The following SINHCAF variants were observed in gnomAD, a reference collection of about 807,000 sequenced individuals.
SINHCAF encodes SIN3-HDAC complex-associated factor.
SINHCAF carries 3 observed loss-of-function variants against 25.8 expected under a neutral mutation model. The observed-to-expected ratio is 0.12, with a 90% confidence interval of 0.05 to 0.30. The LOEUF is 0.30. SINHCAF is among the 10% of genes least tolerant of loss of function. SINHCAF has a pLI of 1.00. For missense variants in SINHCAF, 121 were observed against 262.3 expected, an observed-to-expected ratio of 0.46 and a Z score of 3.72; for synonymous variants, 70 against 85.5, an observed-to-expected ratio of 0.82 and a Z score of 1.00.
chr12:31,305,082 G>C (rs1212961158), intron 1 of SINHCAF: 2 of 152,234 alleles, frequency 1.3e-5, no homozygotes, highest in East Asian at 1.9e-4. Flanking sequence ...ATCAGAGACA[G>C]GGATCTTTGG....
chr12:31,306,122 C>G (rs1939017140), intron 1 of SINHCAF, among the ~76,000 whole-genome samples: 1 of 152,298 alleles, frequency 6.6e-6, no homozygotes, highest in East Asian at 1.9e-4. Flanking sequence ...CTACCATTGC[C>G]CATCAGCAGG....
chr12:31,301,028 C>T (rs1297755304), intron 1 of SINHCAF, among the ~76,000 whole-genome samples: 1 of 152,166 alleles, frequency 6.6e-6, no homozygotes, highest in African/African-American at 2.4e-5. Flanking sequence ...ATAAACAAGT[C>T]CTCAAAGCTA....
intron 5 of SINHCAF, among the ~76,000 whole-genome samples, chr12:31,287,006 T>C (rs1481312755): frequency 2.6e-5 from 4 of 152,178 alleles, no homozygotes; most frequent in Non-Finnish European, 5.9e-5. Flanking sequence ...AAACCTAACC[T>C]CCTAGGCTCA....
chr12:31,301,952 T>TA (rs1187898465), intron 1 of SINHCAF, among the ~76,000 whole-genome samples: 1 of 152,188 alleles, frequency 6.6e-6, no homozygotes, highest in Non-Finnish European at 1.5e-5. Flanking sequence ...TGTGCAATAT[T>TA]AAATGATTCC....
chr12:31,315,422 A>T (rs1244360217), intron 1 of SINHCAF, among the ~76,000 whole-genome samples: 1 of 152,222 alleles, frequency 6.6e-6, no homozygotes, highest in Non-Finnish European at 1.5e-5. Flanking sequence ...TTTAGTTTGT[A>T]GGCAGTGGTT....
intron 1 of SINHCAF, among the ~76,000 whole-genome samples, chr12:31,302,133 C>A (rs917439006): frequency 8.6e-5 from 13 of 152,040 alleles, no homozygotes; most frequent in African/African-American, 3.1e-4. Context: ...AGAACAGACC[C>A]CATACAATCT....
At chr12:31,285,454 C>CACACACAT (rs1555110962) in intron 5 of SINHCAF, among the ~76,000 whole-genome samples, 2 of 151,152 alleles carry the variant, frequency 1.3e-5, no homozygotes, top group Non-Finnish European at 3.0e-5. Flanking sequence ...CACACACACA[C>CACACACAT]ATAAATAAAT....
At chr12:31,298,478 T>A in intron 1 of SINHCAF, 2 of 394,900 alleles carry the variant, frequency 5.1e-6, no homozygotes, top group South Asian at 6.1e-5. Flanking sequence ...AAACATGCAA[T>A]CTAAAAATGG....
chr12:31,305,693 C>T (rs1057050577), intron 1 of SINHCAF, among the ~76,000 whole-genome samples: 1 of 148,548 alleles, frequency 6.7e-6, no homozygotes, highest in African/African-American at 2.5e-5. Flanking sequence ...GAAATATAGG[C>T]CAATTTTTTT....
rs1368016392 is a variant in SINHCAF, at chr12:31,281,667, T to C, written c.*1045A>G. The C allele has an allele frequency of 6.6e-6, 1 of 152,230 alleles. No individual in the cohort carries two copies. The highest frequency in any genetic ancestry group is 1.5e-5 in the Non-Finnish European group (1 of 68,044). The allele number at this position is 152,230 out of a possible 1,614,324, so 9.4% of individuals were successfully genotyped here. On this transcript the variant is annotated 3_prime_UTR_variant, in exon 6 of 6. Transcript: ENST00000337682. ...ATTTTATTTTTCAGATAGCTTAACA[T>C]TTTTAATCGAGTGTGTTCTCTACCA...
intron 1 of SINHCAF, among the ~76,000 whole-genome samples, chr12:31,322,966 A>C (rs888879165): frequency 2.0e-5 from 3 of 152,176 alleles, no homozygotes; most frequent in Admixed American, 6.5e-5. Flanking sequence ...TGAAAAGAAA[A>C]ATCTAGGAGA....
intron 1 of SINHCAF, chr12:31,302,828 T>A: frequency 6.9e-6 from 4 of 579,804 alleles, no homozygotes; most frequent in Non-Finnish European, 8.7e-6. Flanking sequence ...CTGCCTTTGT[T>A]CTATATCTGA....
chr12:31,296,168 G>C (rs890142628), intron 2 of SINHCAF, among the ~76,000 whole-genome samples: 2 of 151,520 alleles, frequency 1.3e-5, no homozygotes, highest in African/African-American at 4.8e-5. Flanking sequence ...TTTCTTTTTT[G>C]GTGGGGGCGT....
At position 31,282,500 on chromosome 12, in the gene SINHCAF, T is replaced by C. The variant is rs533957597; in HGVS notation, c.*212A>G. 5 of 416,310 alleles carry C rather than the reference T, an allele frequency of 1.2e-5. No individual in the cohort carries two copies. In the Admixed American group the frequency reaches 2.1e-4, roughly 17 times the overall value. The allele number at this position is 416,310 out of a possible 1,614,324, so 25.8% of individuals were successfully genotyped here. On this transcript the variant is annotated 3_prime_UTR_variant, in exon 6 of 6. Coordinates refer to ENST00000337682, the MANE Select transcript of SINHCAF (RefSeq NM_001135812.2). ...AGCCGGGTCTGGTGGCGGGCACCTA[T>C]AAACCCAGCTACTTGGGAGGCTGAG...
At chr12:31,297,112 T>C in intron 2 of SINHCAF, 2 of 370,958 alleles carry the variant, frequency 5.4e-6, no homozygotes, top group East Asian at 7.9e-5. Context: ...CTTTTTCTTA[T>C]CAAAACATTT....
rs757821648 is a variant in SINHCAF, at chr12:31,315,445, T to C, written c.-21+10579A>G. ...GTAGGCAGTGGTTTAATTATGCATATGTCCAAACTGCAGCCATCTTGGACC... is the reference window on the plus strand; with the variant it reads ...GTAGGCAGTGGTTTAATTATGCATACGTCCAAACTGCAGCCATCTTGGACC... On this transcript the variant is annotated intron_variant, in intron 1 of 5. Coordinates refer to ENST00000337682, the MANE Select transcript of SINHCAF (RefSeq NM_001135812.2). Among the ~76,000 whole-genome samples, 32 of 152,248 alleles carry C rather than the reference T, an allele frequency of 2.1e-4. 1 individual carries two copies. Among genetic ancestry groups the C allele is most frequent in the Non-Finnish European group, 3.7e-4 (25 of 68,046 alleles).
intron 1 of SINHCAF, chr12:31,323,881 C>A (rs1939821576): frequency 1.8e-5 from 8 of 449,052 alleles, no homozygotes; most frequent in South Asian, 1.2e-4. Context: ...TCGCCGCCCT[C>A]ACCCGTTTCT....
chr12:31,314,531 A>G (rs1034859776), intron 1 of SINHCAF, among the ~76,000 whole-genome samples: 1 of 152,164 alleles, frequency 6.6e-6, no homozygotes, highest in Non-Finnish European at 1.5e-5. Flanking sequence ...GTCTCAAAAA[A>G]AAAAGAAAGA....
intron 1 of SINHCAF, 57 bp from the exon 2 acceptor site, chr12:31,298,281 A>T (rs770884121): frequency 6.3e-7 from 1 of 1,598,274 alleles, no homozygotes; most frequent in East Asian, 2.2e-5. Context: ...AGGAACCATT[A>T]AAGAGTTCTC....
Sources: allele counts gnomAD v4.1 joint callset (sites outside exome capture counted in the v4.1 genomes callset), GRCh38; gene constraint gnomAD v4.1.1; transcripts MANE v1.5; gene names NCBI Gene and HGNC (gene_info 2026-07-23, HGNC 2026-07-21).